Variants in TENM1 observed in about 807,000 individuals in gnomAD.
The protein encoded by TENM1 is teneurin transmembrane protein 1.
TENM1 carries 35 observed loss-of-function variants against 174.8 expected under a neutral mutation model. The observed-to-expected ratio is 0.20, with a 90% CI of 0.15 to 0.27. The LOEUF is 0.27. TENM1 is among the 10% of genes least tolerant of loss of function. The pLI, the probability that TENM1 is intolerant of heterozygous loss-of-function variation, is 1.00. For synonymous variants in TENM1, 781 were observed against 798.7 expected (o/e 0.98, Z 0.37); for missense variants, 1,633 against 2,130.1 (o/e 0.77, Z 4.59).
chrX:124,610,015 A>T (rs1217456347), intron 11 of TENM1, among the ~76,000 whole-genome samples: 2 of 111,799 alleles, frequency 1.8e-5, no homozygotes, highest in African/African-American at 6.5e-5. Flanking sequence ...AATAATTGAT[A>T]TTTCCTATAA....
intron 23 of TENM1, among the ~76,000 whole-genome samples, chrX:124,434,902 T>C (rs1033455155): frequency 1.8e-5 from 2 of 111,555 alleles, no homozygotes; most frequent in African/African-American, 6.5e-5. Context: ...CTTCTGGGGG[T>C]GGGAAGAGGA....
At chrX:124,618,238 A>T (rs2050439390) in intron 11 of TENM1, among the ~76,000 whole-genome samples, 1 of 111,346 alleles carries the variant, frequency 9.0e-6, no homozygotes, top group Non-Finnish European at 1.9e-5. Context: ...ACAGATTATC[A>T]TACTCCAAAT....
chrX:124,960,306 T>G (rs1042679875), intron 1 of TENM1, among the ~76,000 whole-genome samples: 1 of 111,788 alleles, frequency 8.9e-6, no homozygotes, highest in Non-Finnish European at 1.9e-5. Flanking sequence ...AAATATCACC[T>G]TTCTATGTAC....
chrX:124,813,461 A>G (rs772956421), intron 3 of TENM1, among the ~76,000 whole-genome samples: 29 of 111,905 alleles, frequency 2.6e-4, no homozygotes, highest in Non-Finnish European at 4.2e-4. Context: ...TTCCACTTCT[A>G]GTAATTTACA....
intron 3 of TENM1, among the ~76,000 whole-genome samples, chrX:124,750,488 G>A (rs1331225583): frequency 9.0e-6 from 1 of 111,728 alleles, no homozygotes; most frequent in African/African-American, 3.3e-5. Flanking sequence ...TCTTTTTAGT[G>A]TTTTTATTTT....
chrX:124,823,774 T>A (rs768894620), intron 3 of TENM1, among the ~76,000 whole-genome samples: 2 of 111,450 alleles, frequency 1.8e-5, no homozygotes, highest in African/African-American at 3.3e-5. Context: ...ATACTAAAGA[T>A]AAAATTCTGT....
chrX:125,167,296 G>C, the TENM1 span, among the ~76,000 whole-genome samples: 5 of 111,461 alleles, frequency 4.5e-5, no homozygotes, highest in Non-Finnish European at 5.7e-5. Flanking sequence ...GAAACTAATG[G>C]GGCACGAAGA....
chrX:125,197,782 C>G, the TENM1 span, among the ~76,000 whole-genome samples: 1 of 111,702 alleles, frequency 9.0e-6, no homozygotes, highest in Non-Finnish European at 1.9e-5. Context: ...AATAGTTCTA[C>G]CTTGAACATA....
In TENM1 at chrX:124,595,756, T is replaced by C. The variant is rs867286427; in HGVS notation, c.2078-30196A>G. ...TTTAAAGATGAGTATATAAAATAAA[T>C]CATCTTTATCATGAAAGCACTCCGA... On this transcript the variant is annotated intron_variant, in intron 11 of 31. Transcript: ENST00000422452. 3.9e-5 allele frequency among the ~76,000 whole-genome samples: 4 copies of C among 102,850 alleles called. No individual in the cohort carries two copies. The Admixed American group carries it at 4.2e-4, about 11-fold the overall frequency. 89.3% of individuals were successfully genotyped at this position (102,850 alleles called of 115,157 possible).
At chrX:125,104,536 G>C in the TENM1 span, among the ~76,000 whole-genome samples, 1 of 111,262 alleles carries the variant, frequency 9.0e-6, no homozygotes, top group Non-Finnish European at 1.9e-5. Flanking sequence ...TGTATAACTG[G>C]AATCTACTCT....
At chrX:124,530,054 C>A in intron 15 of TENM1, 71 bp from the exon 19 acceptor site, 1 of 1,098,028 alleles carries the variant, frequency 9.1e-7, no homozygotes, top group Non-Finnish European at 1.2e-6. Context: ...GTTGTAGAAA[C>A]TTTGGAAAAC....
chrX:124,562,328 G>T (rs754887439), intron 13 of TENM1, among the ~76,000 whole-genome samples: 2 of 111,638 alleles, frequency 1.8e-5, no homozygotes, highest in African/African-American at 6.5e-5. Flanking sequence ...TTGTTCATAT[G>T]GTGCCTTAGA....
chrX:124,418,704 T>C (rs1000415062), intron 25 of TENM1, among the ~76,000 whole-genome samples: 7 of 112,259 alleles, frequency 6.2e-5, no homozygotes, highest in African/African-American at 2.3e-4. Flanking sequence ...ATGGTTGAAC[T>C]GGTTCTTTTG....
intron 3 of TENM1, among the ~76,000 whole-genome samples, chrX:124,893,440 T>A: frequency 8.9e-6 from 1 of 112,627 alleles, no homozygotes; most frequent in Admixed American, 9.4e-5. Flanking sequence ...GATAAAGATA[T>A]GAAAAGTGTG....
Position 124,696,217 on chromosome X carries a change from G to T in TENM1, c.1015+8796C>A, listed in dbSNP as rs369515088. Reference sequence around the variant, plus strand: ...CCTTTACATTTTCCCACTGGTATAAGAACTTTCACCTCTAAAGAGCCAAAT... The same window carrying T: ...CCTTTACATTTTCCCACTGGTATAATAACTTTCACCTCTAAAGAGCCAAAT... On this transcript the variant is annotated intron_variant, in intron 5 of 31. Coordinates refer to ENST00000422452, the Ensembl canonical transcript of TENM1. Among the ~76,000 whole-genome samples, 60 of 111,778 alleles carry T rather than the reference G, an allele frequency of 5.4e-4. No individual in the cohort carries two copies. The South Asian group carries it at 0.02, about 38-fold the overall frequency.
chrX:124,632,501 C>T (rs773631121), intron 11 of TENM1, among the ~76,000 whole-genome samples: 2 of 111,166 alleles, frequency 1.8e-5, no homozygotes, highest in East Asian at 5.7e-4. Context: ...TAACAAGTTT[C>T]TAAGTGAAAA....
At chrX:124,605,995 T>C (rs1322549050) in intron 11 of TENM1, among the ~76,000 whole-genome samples, 3 of 111,909 alleles carry the variant, frequency 2.7e-5, no homozygotes, top group Non-Finnish European at 5.7e-5. Flanking sequence ...CCAAGCTTTC[T>C]AAATGAAGCA....
At chrX:125,121,448 T>C in the TENM1 span, among the ~76,000 whole-genome samples, 1 of 112,440 alleles carries the variant, frequency 8.9e-6, no homozygotes, top group East Asian at 2.8e-4. Flanking sequence ...CCATACTTAT[T>C]TAATCTCTAC....
intron 11 of TENM1, among the ~76,000 whole-genome samples, chrX:124,574,814 C>T (rs2843496): frequency 0.24 from 27,068 of 110,613 alleles, 2,438 homozygotes; most frequent in South Asian, 0.41. Context: ...TTTTGGTGTA[C>T]ACCAAAAATT....
Sources: allele counts gnomAD v4.1 joint callset (sites outside exome capture counted in the v4.1 genomes callset), GRCh38; gene constraint gnomAD v4.1.1; transcripts MANE v1.5; gene names NCBI Gene and HGNC (gene_info 2026-07-23, HGNC 2026-07-21).